Variants in ZNF431 observed in about 807,000 individuals in gnomAD.
ZNF431 encodes the protein zinc finger protein 431.
ZNF431 carries 34 observed loss-of-function variants against 57.0 expected under a neutral mutation model. That is an observed-to-expected ratio of 0.60 (90% CI 0.45 to 0.79). ZNF431 has a LOEUF of 0.79. Ranked by LOEUF, ZNF431 falls within the 30% of genes least tolerant of loss-of-function variation. ZNF431 has a pLI of 0.00. For synonymous variants in ZNF431, 207 were observed against 220.3 expected (o/e 0.94, Z 0.54); for missense variants, 607 against 667.1 (o/e 0.91, Z 0.99).
chr19:21,162,922 C>A (rs1270198995), intron 2 of ZNF431, among the ~76,000 whole-genome samples: 1 of 151,278 alleles, frequency 6.6e-6, no homozygotes, highest in Admixed American at 6.6e-5. Context: ...ATAAAAATTT[C>A]TCTAAACTAC....
Position 21,184,018 on chromosome 19 carries a change from T to C in ZNF431, c.1715T>C (p.Met572Thr), listed in dbSNP as rs142646928. 42 of 1,570,044 alleles carry C rather than the reference T, an allele frequency of 2.7e-5. No homozygotes were observed. In the Admixed American group the frequency reaches 7.9e-4, roughly 30 times the overall value. The change falls in exon 5 of 5, where the codon ATG becomes ACG. Residue 572 changes from methionine to threonine, a missense_variant. Physicochemically the swap from Met to Thr is moderately conservative, Grantham distance 81 (BLOSUM62 -1). Transcript: ENST00000311048. ...YWRETLQMSRMWESL is the reference protein window; with the variant it reads ...YWRETLQMSRTWESL ...AGAGAAACTCTACAAATGTCAAGAA[T>C]GTGGGAAAGCCTTTAAGCAGTCCTC...
rs1483415095 is a variant in ZNF431, at chr19:21,188,397, G to T, written c.*4363G>T. The T allele has an allele frequency of 1.3e-5, 2 of 151,830 alleles. No homozygotes were observed. The highest frequency in any genetic ancestry group is 2.9e-5 in the Non-Finnish European group (2 of 67,980). 9.4% of individuals were successfully genotyped at this position (151,830 alleles called of 1,614,324 possible). ...AATATAAAACTTGCTTGAAAATACA[G>T]AAATTAAATTTTTAAGAGAGTTAAT... On this transcript the variant is annotated 3_prime_UTR_variant, in exon 5 of 5. Coordinates refer to ENST00000311048, the MANE Select transcript of ZNF431 (RefSeq NM_133473.4).
Position 21,166,361 on chromosome 19 carries a change from C to T in ZNF431, c.123C>T (p.Ala41=). 6.2e-7 allele frequency: 1 copy of T among 1,613,188 alleles called. No individual in the cohort carries two copies. The highest frequency in any genetic ancestry group is 8.5e-7 in the Non-Finnish European group (1 of 1,179,758). The part of the protein sequence containing the change: ...EKETLTFRDV[A]IEFSLEEWEC... Reference sequence around the variant, plus strand: ...AGACATTGACATTTAGGGATGTGGCCATAGAATTCTCTCTGGAGGAGTGGG... The same window carrying T: ...AGACATTGACATTTAGGGATGTGGCTATAGAATTCTCTCTGGAGGAGTGGG... The change falls in exon 3 of 5, where the codon GCC becomes GCT. Residue 41 remains alanine (A), a synonymous_variant. Transcript: ENST00000311048.
chr19:21,143,601 T>C lies in ZNF431; in HGVS notation c.54T>C (p.Pro18=), dbSNP rs760605578. ...VYPLKEASGC[P]GAERNLLVYS... ...CTCTCAAGGAAGCAAGTGGATGCCC[T>C]GGGGCTGAGAGGAATCTTCTAGTTT... Residue 18 remains proline (P), a synonymous_variant, in exon 2 of 5, where the codon CCT becomes CCC. Coordinates refer to ENST00000311048, the MANE Select transcript of ZNF431 (RefSeq NM_133473.4). The C allele has an allele frequency of 6.2e-7, 1 of 1,614,044 alleles. No individual in the cohort carries two copies. Among genetic ancestry groups the C allele is most frequent in the Non-Finnish European group, 8.5e-7 (1 of 1,179,892 alleles).
At chr19:21,177,342 T>C (rs1376287014) in intron 4 of ZNF431, among the ~76,000 whole-genome samples, 1 of 152,216 alleles carries the variant, frequency 6.6e-6, no homozygotes, top group East Asian at 1.9e-4. Context: ...GTTGTAGATA[T>C]GCAATCTTAT....
intron 2 of ZNF431, among the ~76,000 whole-genome samples, chr19:21,160,289 A>G (rs916116478): frequency 6.6e-6 from 1 of 152,178 alleles, no homozygotes; most frequent in African/African-American, 2.4e-5. Context: ...ATCTTGTTCA[A>G]TGACCTGTTA....
intron 2 of ZNF431, among the ~76,000 whole-genome samples, chr19:21,153,149 A>T (rs1489546048): frequency 6.6e-6 from 1 of 152,176 alleles, no homozygotes; most frequent in East Asian, 1.9e-4. Context: ...CACTGGTGGG[A>T]GTGTAGCAGA....
intron 2 of ZNF431, among the ~76,000 whole-genome samples, chr19:21,164,796 A>G (rs1262046399): frequency 1.3e-5 from 2 of 151,738 alleles, no homozygotes; most frequent in Non-Finnish European, 2.9e-5. Context: ...AATTCTTGTA[A>G]TAGTCAAGGG....
rs553617737 is a variant in ZNF431 at position 21,142,073 on chromosome 19, C to G, written c.-111C>G. 2.8e-6 allele frequency: 4 copies of G among 1,453,562 alleles called. No individual in the cohort carries two copies. Among genetic ancestry groups the G allele is most frequent in the Non-Finnish European group, 3.8e-6 (4 of 1,043,952 alleles). The allele number at this position is 1,453,562 out of a possible 1,614,324, so 90.0% of individuals were successfully genotyped here. Reference sequence around the variant, plus strand: ...CCGCAGCCTGAGCTCCAGGTCTCCCCTTCGCTGCTCTGTGTCCTCTGCTCC... The same window carrying G: ...CCGCAGCCTGAGCTCCAGGTCTCCCGTTCGCTGCTCTGTGTCCTCTGCTCC... On this transcript the variant is annotated 5_prime_UTR_variant, in exon 1 of 5. Coordinates refer to ENST00000311048, the MANE Select transcript of ZNF431 (RefSeq NM_133473.4).
intron 4 of ZNF431, among the ~76,000 whole-genome samples, chr19:21,178,614 A>C (rs416001): frequency 1.3e-5 from 2 of 151,922 alleles, no homozygotes; most frequent in African/African-American, 2.4e-5. Flanking sequence ...CGATTTTTGT[A>C]TGCTGAACCA....
At chr19:21,164,278 A>G (rs913356041) in intron 2 of ZNF431, among the ~76,000 whole-genome samples, 2 of 152,086 alleles carry the variant, frequency 1.3e-5, no homozygotes, top group Non-Finnish European at 2.9e-5. Flanking sequence ...GGGTGGTCAC[A>G]GGGCCCGTTC....
chr19:21,152,345 C>A (rs111623902), intron 2 of ZNF431, among the ~76,000 whole-genome samples: 4 of 152,022 alleles, frequency 2.6e-5, no homozygotes, highest in Non-Finnish European at 5.9e-5. Flanking sequence ...TTCAGGTGGC[C>A]GCTTCTTGGT....
rs561175701 is a variant in ZNF431 at position 21,144,662 on chromosome 19, G to A, written c.96+1019G>A. On this transcript the variant is annotated intron_variant, in intron 2 of 4. Transcript: ENST00000311048. ...AGGTGTGTTTTTTTTATGGCTGGGT[G>A]CATTCAAACAGAATTCCAAGGCTTA... 1.6e-4 allele frequency among the ~76,000 whole-genome samples: 24 copies of A among 152,210 alleles called. No individual in the cohort carries two copies. The East Asian group carries it at 4.6e-3, about 29-fold the overall frequency.
intron 2 of ZNF431, among the ~76,000 whole-genome samples, chr19:21,161,687 C>T (rs370202147): frequency 1.3e-5 from 2 of 152,064 alleles, no homozygotes; most frequent in South Asian, 4.1e-4. Flanking sequence ...GAGTTTTGCT[C>T]TTGTTGCGCA....
chr19:21,168,608 T>C (rs932098935), intron 4 of ZNF431, among the ~76,000 whole-genome samples: 2 of 152,164 alleles, frequency 1.3e-5, no homozygotes, highest in South Asian at 4.1e-4. Context: ...CCTTGTGATC[T>C]GCCCACCTCG....
chr19:21,155,513 T>C (rs895145180), intron 2 of ZNF431, among the ~76,000 whole-genome samples: 1 of 152,236 alleles, frequency 6.6e-6, no homozygotes, highest in Non-Finnish European at 1.5e-5. Flanking sequence ...GGCTCCTTTT[T>C]GGTTCCATAT....
intron 4 of ZNF431, among the ~76,000 whole-genome samples, chr19:21,180,919 G>A (rs542822325): frequency 6.8e-5 from 10 of 147,524 alleles, no homozygotes; most frequent in East Asian, 4.0e-4. Flanking sequence ...CCAGCCTGGC[G>A]ACAGAGTGAG....
Position 21,191,583 on chromosome 19 carries a change from G to A in ZNF431, c.*7549G>A, listed in dbSNP as rs1183512153. 1 of 152,166 alleles carries A rather than the reference G, an allele frequency of 6.6e-6. No individual in the cohort carries two copies. The highest frequency in any genetic ancestry group is 1.5e-5 in the Non-Finnish European group (1 of 68,026). The allele number at this position is 152,166 out of a possible 1,614,324, so 9.4% of individuals were successfully genotyped here. A position where few individuals can be genotyped will look rare whatever the true frequency, so the allele number is the denominator to read the frequency against. The stretch of plus-strand genomic sequence containing the variant: ...TATTTCGAGTTTATTTTTACATATG[G>A]TGTGAGATGAGGGTCTCAATTTTTA... On this transcript the variant is annotated 3_prime_UTR_variant, in exon 5 of 5. Coordinates refer to ENST00000311048, the MANE Select transcript of ZNF431 (RefSeq NM_133473.4).
chr19:21,162,623 G>T lies in ZNF431; in HGVS notation c.97-3712G>T, dbSNP rs905284233. ...CCCGACCAGATTCACCCTTTTTGGA[G>T]CCCTTATTTAGGTCTGGCCCCACCC... On this transcript the variant is annotated intron_variant, in intron 2 of 4. Transcript: ENST00000311048. 23 of 655,212 alleles carry T rather than the reference G, an allele frequency of 3.5e-5. No homozygotes were observed. In the Admixed American group the frequency reaches 4.4e-4, roughly 13 times the overall value. 40.6% of individuals were successfully genotyped at this position (655,212 alleles called of 1,614,324 possible).
Sources: gnomAD v4.1 joint callset for allele counts (sites outside exome capture counted in the v4.1 genomes callset) on GRCh38, gnomAD v4.1.1 for gene constraint, MANE v1.5 for transcripts, NCBI Gene and HGNC (gene_info 2026-07-23, HGNC 2026-07-21) for gene names.